The following ZBTB47 variants were observed in gnomAD, a reference collection of about 807,000 sequenced individuals.
The protein encoded by ZBTB47 is zinc finger and BTB domain-containing protein 47.
Under a neutral mutation model 56.6 loss-of-function variants are expected in ZBTB47, and 24 were observed. That is an observed-to-expected ratio of 0.42 (90% CI 0.31 to 0.60). ZBTB47 has a LOEUF of 0.60. Among genes scored for constraint, ZBTB47 ranks in the 20% least tolerant of loss-of-function variants. The pLI is 0.14. For synonymous variants in ZBTB47, 414 were observed against 418.9 expected (o/e 0.99, Z 0.14); for missense variants, 829 against 1,032.6 (o/e 0.80, Z 2.70).
upstream of ZBTB47, chr3:42,653,605 G>A (rs1054410316): frequency 6.6e-6 from 1 of 152,474 alleles, no homozygotes; most frequent in Non-Finnish European, 1.5e-5. Context: ...CCTGCCAACA[G>A]AGCCAGCCCC....
intron 2 of ZBTB47, among the ~76,000 whole-genome samples, chr3:42,660,670 C>T (rs1192812842): frequency 6.6e-6 from 1 of 152,150 alleles, no homozygotes; most frequent in African/African-American, 2.4e-5. Context: ...ATTGCAGTGC[C>T]CTGTGGAGAA....
chr3:42,655,633 T>C (rs1021838804), intron 1 of ZBTB47, among the ~76,000 whole-genome samples: 12 of 152,298 alleles, frequency 7.9e-5, no homozygotes, highest in African/African-American at 2.6e-4. Context: ...GGGGCACGCA[T>C]TGCTTCCGGG....
intron 1 of ZBTB47, among the ~76,000 whole-genome samples, chr3:42,655,809 C>T (rs948980416): frequency 6.6e-6 from 1 of 152,236 alleles, no homozygotes; most frequent in Non-Finnish European, 1.5e-5. Flanking sequence ...GTTTAGGGCC[C>T]CCCAAGGGCC....
At position 42,665,475 on chromosome 3, in the gene ZBTB47, G is replaced by T. The variant is rs904399493; in HGVS notation, c.*877G>T. 4 of 152,828 alleles carry T rather than the reference G, an allele frequency of 2.6e-5. No homozygotes were observed. The highest frequency in any genetic ancestry group is 9.7e-5 in the African/African-American group (4 of 41,428). The allele number at this position is 152,828 out of a possible 1,614,324, so 9.5% of individuals were successfully genotyped here. On this transcript the variant is annotated 3_prime_UTR_variant, in exon 6 of 6. Transcript: ENST00000232974. The stretch of plus-strand genomic sequence containing the variant: ...CTAGGATGAGGCTTGGGCAGTGCTG[G>T]TAGGGTTTCAAGGTGCTATTAGTGG...
At position 42,659,757 on chromosome 3, in the gene ZBTB47, T is replaced by C. The variant is rs1300895089; in HGVS notation, c.1402T>C (p.Cys468Arg). 2 of 1,613,852 alleles carry C rather than the reference T, an allele frequency of 1.2e-6. No homozygotes were observed. Among genetic ancestry groups the C allele is most frequent in the Admixed American group, 1.7e-5 (1 of 60,012 alleles). The change falls in exon 2 of 6, where the codon TGC becomes CGC. Residue 468 changes from cysteine to arginine, a missense_variant. Coordinates refer to ENST00000232974, the MANE Select transcript of ZBTB47 (RefSeq NM_145166.4). ...CAGCCGCATGCAGATCTGCGACCAG[T>C]GCGGCAAGCGCTTCCTGCTGGAGAG... ...THSRMQICDQCGKRFLLESEL... is the reference protein window; with the variant it reads ...THSRMQICDQRGKRFLLESEL...
rs1479263370 is a variant in ZBTB47 at position 42,659,386 on chromosome 3, G to A, written c.1031G>A (p.Ser344Asn). 1 of 1,411,206 alleles carries A rather than the reference G, an allele frequency of 7.1e-7. No homozygotes were observed. Among genetic ancestry groups the A allele is most frequent in the Non-Finnish European group, 9.3e-7 (1 of 1,081,012 alleles). 87.4% of individuals were successfully genotyped at this position (1,411,206 alleles called of 1,614,324 possible). ...GGGCCTAGTGAGCAGGATCAAGAGA[G>A]CTCTGAGGAGGAGGAGGGGGAGGAG... is the stretch of plus-strand genomic sequence containing the variant. Reference protein sequence around the residue: ...EEGPSEQDQESSEEEEGEEGE... With the variant: ...EEGPSEQDQENSEEEEGEEGE... The change falls in exon 2 of 6, where the codon AGC (serine) becomes AAC (asparagine). Residue 344 changes from serine (S) to asparagine (N), a missense_variant. By Grantham distance (46) the Ser-to-Asn change is conservative (BLOSUM62 1). Transcript: ENST00000232974.
chr3:42,654,999 G>C lies in ZBTB47; in HGVS notation c.-82+1116G>C, dbSNP rs181760200. 6.6e-6 allele frequency among the ~76,000 whole-genome samples: 1 copy of C among 152,130 alleles called. No individual in the cohort carries two copies. Among genetic ancestry groups the C allele is most frequent in the Admixed American group, 6.5e-5 (1 of 15,290 alleles). On this transcript the variant is annotated intron_variant, in intron 1 of 5. Transcript: ENST00000232974. This position sits in a 1 kb window ranked among gnomAD's most constrained non-coding sequence, Gnocchi z 5.0. Reference sequence around the variant, plus strand: ...GGCGCCGCCCTCGGGCTGGGTAATGGGGGGAAGAGGGAGTCGGATTCCCGC... The same window carrying C: ...GGCGCCGCCCTCGGGCTGGGTAATGCGGGGAAGAGGGAGTCGGATTCCCGC...
At chr3:42,662,303 C>G (rs1710730709) in intron 3 of ZBTB47, among the ~76,000 whole-genome samples, 2 of 152,226 alleles carry the variant, frequency 1.3e-5, no homozygotes, top group African/African-American at 2.4e-5. Flanking sequence ...GTCCTAATCC[C>G]TTTCTCCATG....
chr3:42,659,916 A>T, intron 2 of ZBTB47, 88 bp downstream of exon 2: 2 of 1,456,046 alleles, frequency 1.4e-6, no homozygotes. Context: ...TGTCTTGCTG[A>T]CTGCATTACC....
At position 42,667,129 on chromosome 3, in the gene ZBTB47, CAGAATG is replaced by C. The variant is rs1328998077; in HGVS notation, c.*2534_*2539del. On this transcript the variant is annotated 3_prime_UTR_variant, in exon 6 of 6. Transcript: ENST00000232974. ...AAAAAAACAATGTGCCCCCAGATGT[CAGAATG>C]AGGCGACTAGGGCACCATACTCACT... 5.3e-5 allele frequency among the ~76,000 whole-genome samples: 8 copies of C among 152,240 alleles called. No individual in the cohort carries two copies. Among genetic ancestry groups the C allele is most frequent in the Admixed American group, 2.0e-4 (3 of 15,290 alleles).
In ZBTB47 at chr3:42,654,544, G is replaced by T; in HGVS notation, c.-82+661G>T. On this transcript the variant is annotated intron_variant, in intron 1 of 5. Transcript: ENST00000232974. The surrounding 1 kb of genome is among the most constrained non-coding windows in gnomAD (Gnocchi z 5.0). ...GGACTCGCCGCGGCCCTGCGCCTCCGCCTGCCTGGCCGCGCCCCCGGGGGC... is the reference window on the plus strand; with the variant it reads ...GGACTCGCCGCGGCCCTGCGCCTCCTCCTGCCTGGCCGCGCCCCCGGGGGC... 9.5e-6 allele frequency: 3 copies of T among 314,280 alleles called. No homozygotes were observed. The highest frequency in any genetic ancestry group is 9.2e-6 in the Non-Finnish European group (2 of 218,268). 19.5% of individuals were successfully genotyped at this position (314,280 alleles called of 1,614,324 possible).
At chr3:42,662,952 C>A in intron 3 of ZBTB47, 60 bp from the exon 4 acceptor site, 1 of 1,312,754 alleles carries the variant, frequency 7.6e-7, no homozygotes, top group South Asian at 1.2e-5. Flanking sequence ...GGTCTGGGCC[C>A]AACGTCGGGG....
chr3:42,658,609 A>G lies in ZBTB47; in HGVS notation c.254A>G (p.Asn85Ser), dbSNP rs1206294245. The G allele has an allele frequency of 1.3e-6, 2 of 1,536,994 alleles. No homozygotes were observed. Among genetic ancestry groups the G allele is most frequent in the Non-Finnish European group, 8.7e-7 (1 of 1,146,924 alleles). Residue 85 changes from asparagine to serine, a missense_variant, in exon 2 of 6, where the codon AAC becomes AGC. By Grantham distance (46) the Asn-to-Ser change is conservative. This residue lies in a region of ZBTB47 where 120 missense variants were observed against 200.2 expected (regional missense o/e 0.60). Coordinates refer to ENST00000232974, the MANE Select transcript of ZBTB47 (RefSeq NM_145166.4). ...YTSKLLVNAA[N>S]VHEVLSAASL... ...TCCAAGCTGCTGGTCAACGCGGCCA[A>G]CGTCCACGAGGTGCTCAGCGCCGCC...
chr3:42,666,299 C>T lies in ZBTB47; in HGVS notation c.*1701C>T, dbSNP rs562779850. On this transcript the variant is annotated 3_prime_UTR_variant, in exon 6 of 6. Transcript: ENST00000232974. The stretch of plus-strand genomic sequence containing the variant: ...TTGGAGCTGTAGACGTACGCTCAGG[C>T]GCTCCTGCTGTCCTGGGGGAGAGAA... Among the ~76,000 whole-genome samples the T allele has an allele frequency of 3.9e-5, 6 of 152,296 alleles. No individual in the cohort carries two copies. The highest frequency in any genetic ancestry group is 1.3e-4 in the Admixed American group (2 of 15,304).
chr3:42,654,680 G>A lies in ZBTB47; in HGVS notation c.-82+797G>A, dbSNP rs1710615314. 1.0e-6 allele frequency: 1 copy of A among 984,938 alleles called. No homozygotes were observed. The allele number at this position is 984,938 out of a possible 1,614,324, so 61.0% of individuals were successfully genotyped here. A position where few individuals can be genotyped will look rare whatever the true frequency, so the allele number is the denominator to read the frequency against. ...TCCCGCGGGGCCCTGTGAGCCCCCA[G>A]CGCCACGGCACCATGGTACGCAGGG... On this transcript the variant is annotated intron_variant, in intron 1 of 5. Coordinates refer to ENST00000232974, the MANE Select transcript of ZBTB47 (RefSeq NM_145166.4). This position sits in a 1 kb window ranked among gnomAD's most constrained non-coding sequence, Gnocchi z 5.0.
rs1219452862 is a variant in ZBTB47 at position 42,664,839 on chromosome 3, TTTAC to T, written c.*244_*247del. ...CCCCTTTCTGTGACTCCTTGAAGCC[TTTAC>T]TTTTTTTTTTTTTTGGAAGTGAAGG... On this transcript the variant is annotated 3_prime_UTR_variant, in exon 6 of 6. Transcript: ENST00000232974. 2.9e-6 allele frequency: 1 copy of T among 339,528 alleles called. No homozygotes were observed. Among genetic ancestry groups the T allele is most frequent in the Admixed American group, 6.7e-5 (1 of 14,828 alleles). The allele number at this position is 339,528 out of a possible 1,614,324, so 21.0% of individuals were successfully genotyped here.
Position 42,654,762 on chromosome 3 carries a change from C to T in ZBTB47, c.-82+879C>T. 1.0e-6 allele frequency: 1 copy of T among 977,474 alleles called. No homozygotes were observed. Among genetic ancestry groups the T allele is most frequent in the African/African-American group, 1.8e-5 (1 of 57,086 alleles). The allele number at this position is 977,474 out of a possible 1,614,324, so 60.6% of individuals were successfully genotyped here. ...TGCCAGCTCTGACCTCCCAGGCACACGGCCCGCGGGCCCGGGTGGAGGGGC... is the reference window on the plus strand; with the variant it reads ...TGCCAGCTCTGACCTCCCAGGCACATGGCCCGCGGGCCCGGGTGGAGGGGC... On this transcript the variant is annotated intron_variant, in intron 1 of 5. Transcript: ENST00000232974. This position sits in a 1 kb window ranked among gnomAD's most constrained non-coding sequence, Gnocchi z 5.0.
chr3:42,666,212 C>T lies in ZBTB47; in HGVS notation c.*1614C>T, dbSNP rs1255690624. Among the ~76,000 whole-genome samples the T allele has an allele frequency of 2.0e-5, 3 of 152,230 alleles. No homozygotes were observed. The highest frequency in any genetic ancestry group is 6.5e-5 in the Admixed American group (1 of 15,290). On this transcript the variant is annotated 3_prime_UTR_variant, in exon 6 of 6. Coordinates refer to ENST00000232974, the MANE Select transcript of ZBTB47 (RefSeq NM_145166.4). ...TGAGGATTTATAATCCAAGCCACAC[C>T]ACCCTGGTTGTTCTCTGGGCTTGGA... is the stretch of plus-strand genomic sequence containing the variant.
chr3:42,662,936 A>C (rs1346381519), intron 3 of ZBTB47, 76 bp from the exon 4 acceptor site: 2 of 1,021,514 alleles, frequency 2.0e-6, no homozygotes, highest in East Asian at 4.8e-5. Flanking sequence ...CTGCCCCAGG[A>C]GGCAGGGTCT....
Sources: allele counts gnomAD v4.1 joint callset (sites outside exome capture counted in the v4.1 genomes callset), GRCh38; gene constraint gnomAD v4.1.1; regional missense constraint gnomAD v4.1.1; non-coding constraint Gnocchi (gnomAD v3.1); transcripts MANE v1.5; gene names NCBI Gene and HGNC (gene_info 2026-07-23, HGNC 2026-07-21).